VSTM2L: variants seen among roughly 807,000 people sequenced by gnomAD.
The protein encoded by VSTM2L is V-set and transmembrane domain-containing protein 2-like protein.
Under a neutral mutation model 19.9 loss-of-function variants are expected in VSTM2L, and 9 were observed. The observed-to-expected ratio is 0.45, with a 90% CI of 0.27 to 0.79. VSTM2L has a LOEUF of 0.79. VSTM2L is among the 30% of genes least tolerant of loss of function. The pLI is 0.15. For synonymous variants in VSTM2L, 127 were observed against 133.8 expected (o/e 0.95, Z 0.35); for missense variants, 286 against 295.5 (o/e 0.97, Z 0.24).
At chr20:37,927,235 G>T (rs1291914556) in intron 1 of VSTM2L, among the ~76,000 whole-genome samples, 1 of 152,180 alleles carries the variant, frequency 6.6e-6, no homozygotes, top group East Asian at 1.9e-4. Flanking sequence ...AAAATGCTGG[G>T]ATTACAGGCA....
At chr20:37,931,886 C>G in intron 2 of VSTM2L, 82 bp downstream of exon 2, 1 of 1,424,600 alleles carries the variant, frequency 7.0e-7, no homozygotes, top group South Asian at 1.3e-5. Flanking sequence ...CCCCTCTTCT[C>G]CTCTGAGGGA....
At chr20:37,920,887 T>C (rs1400036434) in intron 1 of VSTM2L, among the ~76,000 whole-genome samples, 2 of 140,894 alleles carry the variant, frequency 1.4e-5, no homozygotes, top group Non-Finnish European at 3.1e-5. Context: ...CTGACCTTCC[T>C]TTCTCCCTTG....
chr20:37,932,035 G>A (rs932890645), intron 2 of VSTM2L, among the ~76,000 whole-genome samples: 4 of 152,182 alleles, frequency 2.6e-5, no homozygotes, highest in African/African-American at 9.7e-5. Flanking sequence ...ACGTGAAATG[G>A]CCACAGCAAG....
chr20:37,924,112 C>T (rs902063371), intron 1 of VSTM2L, among the ~76,000 whole-genome samples: 1 of 152,114 alleles, frequency 6.6e-6, no homozygotes, highest in Non-Finnish European at 1.5e-5. Flanking sequence ...TGGCATGCAC[C>T]TGTACTCCCA....
At chr20:37,931,927 A>G in intron 2 of VSTM2L, 123 bp downstream of exon 2, 4 of 1,147,376 alleles carry the variant, frequency 3.5e-6, no homozygotes, top group Non-Finnish European at 4.8e-6. Context: ...TCCACACCAC[A>G]CAGCTGTCTC....
At chr20:37,942,506 C>T (rs1172555585) in intron 3 of VSTM2L, among the ~76,000 whole-genome samples, 4 of 152,050 alleles carry the variant, frequency 2.6e-5, no homozygotes, top group Admixed American at 1.3e-4. Flanking sequence ...ATGCAGGCAG[C>T]AACATGGAGA....
At position 37,944,029 on chromosome 20, in the gene VSTM2L, C is replaced by T. The variant is rs1233187184; in HGVS notation, c.391C>T (p.Arg131Trp). The stretch of plus-strand genomic sequence containing the variant: ...CATCTCCCACAAGCTGCGCCTGTCC[C>T]GGGTGAAGCCCACGGACGAAGGCAC... ...SNISHKLRLS[R>W]VKPTDEGTYE... The change falls in exon 4 of 4, where the codon CGG (arginine) becomes TGG (tryptophan). Residue 131 changes from arginine (R) to tryptophan (W), a missense_variant. By Grantham distance (101) the Arg-to-Trp change is moderately radical. Coordinates refer to ENST00000373461, the MANE Select transcript of VSTM2L (RefSeq NM_080607.3). 1.4e-5 allele frequency: 22 copies of T among 1,607,888 alleles called. No individual in the cohort carries two copies. Among genetic ancestry groups the T allele is most frequent in the South Asian group, 4.4e-5 (4 of 90,664 alleles).
intron 1 of VSTM2L, among the ~76,000 whole-genome samples, chr20:37,919,999 G>T (rs1299447161): frequency 6.6e-6 from 1 of 152,192 alleles, no homozygotes; most frequent in Non-Finnish European, 1.5e-5. Flanking sequence ...CAACCCCGGG[G>T]CAGGAGACTG....
chr20:37,909,799 T>C (rs941478452), intron 1 of VSTM2L, among the ~76,000 whole-genome samples: 1 of 152,106 alleles, frequency 6.6e-6, no homozygotes, highest in African/African-American at 2.4e-5. Flanking sequence ...GGCACTTGCA[T>C]CAGAAAAAGC....
intron 1 of VSTM2L, among the ~76,000 whole-genome samples, chr20:37,913,115 G>A (rs1046985582): frequency 2.0e-5 from 3 of 152,188 alleles, no homozygotes; most frequent in African/African-American, 7.2e-5. Flanking sequence ...TAAATGTCAG[G>A]TGAATGAATG....
intron 3 of VSTM2L, 127 bp downstream of exon 3, chr20:37,933,716 G>GA: frequency 1.1e-6 from 1 of 885,818 alleles, no homozygotes. Context: ...AAAGAGAAGG[G>GA]AAAAAAATGG....
chr20:37,943,474 C>T (rs982011017), intron 3 of VSTM2L, among the ~76,000 whole-genome samples: 7 of 143,846 alleles, frequency 4.9e-5, no homozygotes, highest in African/African-American at 1.0e-4. Context: ...TCAGACTAAA[C>T]GAAGACTTTG....
intron 3 of VSTM2L, among the ~76,000 whole-genome samples, chr20:37,940,858 C>T (rs2072968146): frequency 1.3e-5 from 2 of 152,212 alleles, no homozygotes; most frequent in Non-Finnish European, 1.5e-5. Context: ...TACTTTTAAA[C>T]CATCACATCT....
rs752949379 is a variant in VSTM2L, at chr20:37,931,685, G to T, written c.172G>T (p.Val58Leu). The stretch of plus-strand genomic sequence containing the variant: ...CATGACAGCACGGACGGGCGAGGAC[G>T]TGGAGATGGCCTGCTCCTTCCGCGG... ...HDMTARTGED[V>L]EMACSFRGSG... The change falls in exon 2 of 4, where the codon GTG becomes TTG. Residue 58 changes from valine to leucine, a missense_variant. Val to Leu is a conservative substitution (Grantham distance 32). Transcript: ENST00000373461. The T allele has an allele frequency of 1.2e-6, 2 of 1,613,650 alleles. No homozygotes were observed. Among genetic ancestry groups the T allele is most frequent in the Non-Finnish European group, 1.7e-6 (2 of 1,180,028 alleles).
At chr20:37,931,573 C>T (rs1209162187) in intron 1 of VSTM2L, 62 bp from the exon 2 acceptor site, 9 of 1,555,854 alleles carry the variant, frequency 5.8e-6, no homozygotes, top group Admixed American at 1.7e-5. Context: ...TCTCCACCTC[C>T]TTCACCCACT....
intron 1 of VSTM2L, among the ~76,000 whole-genome samples, chr20:37,918,835 G>C (rs2072834564): frequency 6.6e-6 from 1 of 152,124 alleles, no homozygotes; most frequent in Non-Finnish European, 1.5e-5. Context: ...TCTCCAGGCA[G>C]ACACGAGCCT....
chr20:37,932,856 T>C (rs2072918494), intron 2 of VSTM2L, among the ~76,000 whole-genome samples: 1 of 152,214 alleles, frequency 6.6e-6, no homozygotes, highest in Non-Finnish European at 1.5e-5. Flanking sequence ...TGAACACATA[T>C]ATCTGCACAC....
chr20:37,910,061 C>T (rs1472295182), intron 1 of VSTM2L, among the ~76,000 whole-genome samples: 1 of 152,188 alleles, frequency 6.6e-6, no homozygotes, highest in African/African-American at 2.4e-5. Context: ...CTCTTCAAAA[C>T]CCCCCAGGGC....
intron 1 of VSTM2L, among the ~76,000 whole-genome samples, chr20:37,905,437 T>TC (rs2072746706): frequency 6.6e-6 from 1 of 152,112 alleles, no homozygotes; most frequent in South Asian, 2.1e-4. Context: ...TCTCTACCTG[T>TC]CCCCTGGTGC....
Sources: allele counts gnomAD v4.1 joint callset (sites outside exome capture counted in the v4.1 genomes callset), GRCh38; gene constraint gnomAD v4.1.1; transcripts MANE v1.5; gene names NCBI Gene and HGNC (gene_info 2026-07-23, HGNC 2026-07-21).